Variants in MID2 observed in about 807,000 individuals in gnomAD.
MID2 encodes the protein probable E3 ubiquitin-protein ligase MID2.
A neutral mutation model predicts 46.1 loss-of-function variants in MID2; 13 were observed. The ratio of observed to expected loss-of-function variants is 0.28; its 90% CI spans 0.18 to 0.45. The LOEUF (loss-of-function observed/expected upper bound fraction) is 0.45, where lower values mean the gene tolerates loss of function less well. Among genes scored for constraint, MID2 ranks in the 20% least tolerant of loss-of-function variants. The pLI is 1.00. For synonymous variants in MID2, 199 were observed against 212.3 expected (o/e 0.94, Z 0.55); for missense variants, 431 against 575.4 (o/e 0.75, Z 2.57).
chrX:107,866,467 ACACACACAC>A lies in MID2; in HGVS notation c.816+11764_816+11772del, dbSNP rs1173130796. Among the ~76,000 whole-genome samples the A allele has an allele frequency of 9.3e-5, 9 of 96,655 alleles. No individual in the cohort carries two copies. The South Asian group carries it at 1.8e-3, about 20-fold the overall frequency. The allele number at this position is 96,655 out of a possible 115,157, so 83.9% of individuals were successfully genotyped here. ...CACACACACACACACACACACACAC[ACACACACAC>A]AACACTGACCTACAGTGAGTACTGC... On this transcript the variant is annotated intron_variant, in intron 3 of 9. Coordinates refer to ENST00000262843, the MANE Select transcript of MID2 (RefSeq NM_012216.4).
chrX:107,924,316 A>G (rs1933129791), intron 7 of MID2, 27 bp from the exon 8 acceptor site: 1 of 1,186,575 alleles, frequency 8.4e-7, no homozygotes. Flanking sequence ...CTGCTGGTTA[A>G]TGTCCTTGTC....
At position 107,907,575 on chromosome X, in the gene MID2, T is replaced by G. The variant is rs773063732; in HGVS notation, c.1073+1949T>G. On this transcript the variant is annotated intron_variant, in intron 5 of 9. Transcript: ENST00000262843. The stretch of plus-strand genomic sequence containing the variant: ...CAATTTATCCCTCTCTATAGTTGAC[T>G]TCACATCCATTTTTAACCCACTCAT... 3.6e-5 allele frequency among the ~76,000 whole-genome samples: 4 copies of G among 110,987 alleles called. No homozygotes were observed. In the South Asian group the frequency reaches 1.5e-3, roughly 43 times the overall value.
intron 3 of MID2, among the ~76,000 whole-genome samples, chrX:107,868,542 T>C (rs1176687408): frequency 3.6e-5 from 4 of 111,535 alleles, no homozygotes; most frequent in Admixed American, 9.5e-5. Context: ...TAGAGAGATA[T>C]ATCACTTCTT....
chrX:107,903,244 G>A (rs1163112956), intron 3 of MID2, among the ~76,000 whole-genome samples: 8 of 110,370 alleles, frequency 7.2e-5, no homozygotes, highest in African/African-American at 1.7e-4. Flanking sequence ...CCTCCTGGGG[G>A]CTCTGTACCA....
intron 3 of MID2, among the ~76,000 whole-genome samples, chrX:107,889,130 A>C (rs1228555192): frequency 9.0e-6 from 1 of 110,831 alleles, no homozygotes; most frequent in Non-Finnish European, 1.9e-5. Flanking sequence ...ATTTAAGGTT[A>C]ATATTGTTAT....
At chrX:107,905,364 A>T (rs1932826963) in intron 4 of MID2, 114 bp from the exon 5 acceptor site, 2 of 623,114 alleles carry the variant, frequency 3.2e-6, no homozygotes, top group African/African-American at 4.6e-5. Flanking sequence ...TGGAATATTA[A>T]TAAACCTTAT....
At chrX:107,902,985 T>A (rs1403935283) in intron 3 of MID2, among the ~76,000 whole-genome samples, 1 of 111,688 alleles carries the variant, frequency 9.0e-6, no homozygotes, top group Non-Finnish European at 1.9e-5. Flanking sequence ...CGGTTTGAAT[T>A]CTGGTTTTAC....
In MID2 at chrX:107,826,067, T is replaced by C. The variant is rs1930933818; in HGVS notation, c.-360T>C. On this transcript the variant is annotated 5_prime_UTR_variant, in exon 1 of 10. Transcript: ENST00000262843. ...CCTCCCTTTTGGAAGGGATTGCCTT[T>C]TTTTTCCTCTGCGGCGGCGGAAATG... The C allele has an allele frequency of 3.4e-6, 1 of 294,247 alleles. No homozygotes were observed. Among genetic ancestry groups the C allele is most frequent in the Non-Finnish European group, 5.9e-6 (1 of 169,109 alleles). 24.2% of individuals were successfully genotyped at this position (294,247 alleles called of 1,213,427 possible).
At chrX:107,917,772 G>C in intron 7 of MID2, 33 bp downstream of exon 7, 1 of 1,164,799 alleles carries the variant, frequency 8.6e-7, no homozygotes, top group East Asian at 3.0e-5. Context: ...AGGTTGTTTA[G>C]TATAGTGTTT....
At chrX:107,917,482 T>A in intron 6 of MID2, 24 bp from the exon 7 acceptor site, 5 of 1,137,193 alleles carry the variant, frequency 4.4e-6, no homozygotes, top group Non-Finnish European at 4.8e-6. Flanking sequence ...CTTTCCTTAC[T>A]TTCTTTTCCA....
intron 3 of MID2, among the ~76,000 whole-genome samples, chrX:107,863,964 A>G (rs1931908230): frequency 8.9e-6 from 1 of 112,452 alleles, no homozygotes; most frequent in Non-Finnish European, 1.9e-5. Flanking sequence ...CCTGTGATAC[A>G]GCTGGTTAAT....
At chrX:107,904,234 G>T (rs757196934) in intron 4 of MID2, among the ~76,000 whole-genome samples, 169 bp downstream of exon 4, 3 of 111,846 alleles carry the variant, frequency 2.7e-5, no homozygotes, top group Non-Finnish European at 5.6e-5. Flanking sequence ...AAAAACGATG[G>T]CCATTCTGGG....
chrX:107,913,899 G>A lies in MID2; in HGVS notation c.1074-2103G>A, dbSNP rs766774199. The stretch of plus-strand genomic sequence containing the variant: ...CATCGTTCTTAAGATAAAATCCAAC[G>A]TTTGTAACGTGGCCTACAAAGTCCT... On this transcript the variant is annotated intron_variant, in intron 5 of 9. Transcript: ENST00000262843. Among the ~76,000 whole-genome samples the A allele has an allele frequency of 5.4e-5, 6 of 111,681 alleles. No homozygotes were observed. The East Asian group carries it at 8.4e-4, about 16-fold the overall frequency.
At position 107,871,258 on chromosome X, in the gene MID2, C is replaced by T. The variant is rs770498443; in HGVS notation, c.816+16554C>T. On this transcript the variant is annotated intron_variant, in intron 3 of 9. Transcript: ENST00000262843. ...TGGCAGGAACTGGAGTGCACGGGTG[C>T]TAGAACTAGTCAGCCACTTCAGTGC... is the stretch of plus-strand genomic sequence containing the variant. Among the ~76,000 whole-genome samples the T allele has an allele frequency of 2.7e-5, 3 of 111,908 alleles. No individual in the cohort carries two copies. In the South Asian group the frequency reaches 1.1e-3, roughly 41 times the overall value.
Position 107,854,653 on chromosome X carries a change from C to T in MID2, c.765C>T (p.Ser255=), listed in dbSNP as rs149830662. 1.8e-5 allele frequency: 22 copies of T among 1,209,033 alleles called. No homozygotes were observed. The highest frequency in any genetic ancestry group is 1.1e-4 in the Admixed American group (5 of 45,786). ...MNLTNLVKRN[S]ELENQMAKLI... Reference sequence around the variant, plus strand: ...TCACCAACCTGGTTAAGCGCAACAGCGAACTAGAAAATCAAATGGCCAAAC... The same window carrying T: ...TCACCAACCTGGTTAAGCGCAACAGTGAACTAGAAAATCAAATGGCCAAAC... The change falls in exon 3 of 10, where the codon AGC becomes AGT. Residue 255 remains serine (S), a synonymous_variant. Coordinates refer to ENST00000262843, the MANE Select transcript of MID2 (RefSeq NM_012216.4).
chrX:107,888,136 C>G (rs1463326262), intron 3 of MID2, among the ~76,000 whole-genome samples: 1 of 111,721 alleles, frequency 9.0e-6, no homozygotes, highest in African/African-American at 3.3e-5. Flanking sequence ...CAGTTCTGCT[C>G]TGATCTTAGT....
rs983210194 is a variant in MID2, at chrX:107,931,586, C to T, written c.*4513C>T. Among the ~76,000 whole-genome samples the T allele has an allele frequency of 9.0e-6, 1 of 111,523 alleles. No homozygotes were observed. Among genetic ancestry groups the T allele is most frequent in the African/African-American group, 3.3e-5 (1 of 30,664 alleles). The stretch of plus-strand genomic sequence containing the variant: ...CTCATCCCTCTCTACAATATTCCAG[C>T]CCATCCAAAATGCTATATTATGAAT... On this transcript the variant is annotated 3_prime_UTR_variant, in exon 10 of 10. Transcript: ENST00000262843.
At chrX:107,850,994 T>C (rs1931599472) in intron 2 of MID2, among the ~76,000 whole-genome samples, 1 of 112,543 alleles carries the variant, frequency 8.9e-6, no homozygotes, top group Non-Finnish European at 1.9e-5. Flanking sequence ...AAATTTCTAA[T>C]ATTGTATTTG....
At chrX:107,924,563 C>T (rs978538611) in intron 8 of MID2, 59 bp downstream of exon 8, 12 of 1,132,751 alleles carry the variant, frequency 1.1e-5, no homozygotes, top group Non-Finnish European at 1.4e-5. Context: ...CAGGGGAGTA[C>T]ACAGCCTGAG....
Sources: gnomAD v4.1 joint callset for allele counts (sites outside exome capture counted in the v4.1 genomes callset) on GRCh38, gnomAD v4.1.1 for gene constraint, MANE v1.5 for transcripts, NCBI Gene and HGNC (gene_info 2026-07-23, HGNC 2026-07-21) for gene names.